Variants in CSMD2 observed in about 807,000 individuals in gnomAD.
CSMD2 encodes the protein CUB and sushi domain-containing protein 2.
Under a neutral mutation model 398.5 loss-of-function variants are expected in CSMD2, and 130 were observed. The observed-to-expected ratio is 0.33, with a 90% CI of 0.28 to 0.38. CSMD2 has a LOEUF of 0.38. CSMD2 is among the 10% of genes least tolerant of loss of function. The pLI, the probability that CSMD2 is intolerant of heterozygous loss-of-function variation, is 1.00. For missense variants in CSMD2, 3,829 were observed against 4,764.9 expected, an observed-to-expected ratio of 0.80 and a Z score of 5.78; for synonymous variants, 1,828 against 1,908.5, an observed-to-expected ratio of 0.96 and a Z score of 1.10.
At position 33,557,873 on chromosome 1, in the gene CSMD2, G is replaced by C. The variant is rs1330284542; in HGVS notation, c.8604C>G (p.Val2868=). Residue 2868 remains valine (V), a synonymous_variant, in exon 55 of 71, where the codon GTC becomes GTG. Transcript: ENST00000373381. ...PGHQENSVRQ[V]HASGPHRFSF... is the part of the protein sequence containing the mutation. ...TGAACCTGTGCGGGCCGCTGGCGTG[G>C]ACCTGACGAACACTATTTTCTTGGT... 1 of 1,536,022 alleles carries C rather than the reference G, an allele frequency of 6.5e-7. No individual in the cohort carries two copies. The highest frequency in any genetic ancestry group is 8.7e-7 in the Non-Finnish European group (1 of 1,146,924).
In CSMD2 at chr1:33,538,511, G is replaced by A. The variant is rs186666208; in HGVS notation, c.9632-902C>T. ...GTGTGTCTGTGTGTATGTGTATATG[G>A]AGTCATGAGATACATAACCACATGC... On this transcript the variant is annotated intron_variant, in intron 60 of 70. Coordinates refer to ENST00000373381, the MANE Select transcript of CSMD2 (RefSeq NM_001281956.2). 5.6e-3 allele frequency among the ~76,000 whole-genome samples: 853 copies of A among 152,274 alleles called. 8 individuals are homozygous for A. Among genetic ancestry groups the A allele is most frequent in the South Asian group, 0.031 (149 of 4,818 alleles).
At chr1:34,057,026 G>A (rs1009160266) in intron 2 of CSMD2, among the ~76,000 whole-genome samples, 5 of 152,158 alleles carry the variant, frequency 3.3e-5, no homozygotes, top group African/African-American at 1.2e-4. Flanking sequence ...GGTTGCTCCT[G>A]GGGTCATTAG....
intron 26 of CSMD2, 88 bp from the exon 27 acceptor site, chr1:33,658,225 A>G (rs752689207): frequency 1.7e-6 from 2 of 1,162,932 alleles, no homozygotes; most frequent in Non-Finnish European, 1.3e-6. Context: ...ACTGATTGCC[A>G]TCATCCGTGC....
At chr1:33,856,123 C>T (rs575670578) in intron 5 of CSMD2, among the ~76,000 whole-genome samples, 1 of 152,316 alleles carries the variant, frequency 6.6e-6, no homozygotes, top group Non-Finnish European at 1.5e-5. Context: ...GCCTGGCATA[C>T]AGTAGGTGCC....
chr1:33,999,879 A>T (rs953741972), intron 3 of CSMD2, among the ~76,000 whole-genome samples: 4 of 152,212 alleles, frequency 2.6e-5, no homozygotes, highest in African/African-American at 9.6e-5. Context: ...AATTTTAGTA[A>T]ATGTTACTAT....
rs1478687466 is a variant in CSMD2, at chr1:33,546,167, A to G, written c.8970T>C (p.Arg2990=). The part of the protein sequence containing the change: ...GDPGIPAHGI[R]LGDSFDPGTV... ...TGCCTGGATCAAAGCTGTCCCCCAA[A>G]CGGATGCCATGAGCCGGGATCCCAG... Residue 2990 remains arginine (R), a synonymous_variant, in exon 57 of 71, where the codon CGT becomes CGC. Coordinates refer to ENST00000373381, the MANE Select transcript of CSMD2 (RefSeq NM_001281956.2). The G allele has an allele frequency of 2.5e-6, 4 of 1,614,008 alleles. No individual in the cohort carries two copies. The Admixed American group carries it at 6.7e-5, about 27-fold the overall frequency.
intron 44 of CSMD2, chr1:33,600,321 T>C: frequency 1.7e-6 from 1 of 593,572 alleles, no homozygotes; most frequent in South Asian, 2.2e-5. Context: ...CTCTAGGCAA[T>C]TCCACTATAA....
intron 21 of CSMD2, chr1:33,709,593 T>G: frequency 2.5e-6 from 1 of 398,830 alleles, no homozygotes; most frequent in African/African-American, 2.0e-5. Flanking sequence ...ATTCATATAG[T>G]AGCGTAGCAA....
chr1:33,960,370 G>A (rs1333532251), intron 3 of CSMD2, among the ~76,000 whole-genome samples: 1 of 152,176 alleles, frequency 6.6e-6, no homozygotes, highest in Non-Finnish European at 1.5e-5. Flanking sequence ...CAAAATCCAC[G>A]GGAGGTAGAT....
intron 3 of CSMD2, among the ~76,000 whole-genome samples, chr1:34,015,280 A>C (rs1335419831): frequency 1.3e-5 from 2 of 152,202 alleles, no homozygotes; most frequent in African/African-American, 2.4e-5. Flanking sequence ...CTCTGCTGTT[A>C]TCTCATTATG....
intron 3 of CSMD2, among the ~76,000 whole-genome samples, chr1:33,988,276 A>G (rs1381465472): frequency 6.6e-6 from 1 of 152,122 alleles, no homozygotes; most frequent in Non-Finnish European, 1.5e-5. Flanking sequence ...CATGGAGGAG[A>G]CCCGAGTGAC....
intron 14 of CSMD2, among the ~76,000 whole-genome samples, chr1:33,742,423 G>A (rs953984529): frequency 6.6e-6 from 1 of 152,170 alleles, no homozygotes; most frequent in Non-Finnish European, 1.5e-5. Context: ...GCAGCCTCTG[G>A]GAAAGGATCT....
chr1:33,709,480 C>T (rs1038766458), intron 21 of CSMD2: 4 of 540,526 alleles, frequency 7.4e-6, no homozygotes, highest in Non-Finnish European at 9.7e-6. Context: ...TTGTTTCTGT[C>T]TCTTGTGCTG....
At chr1:33,625,424 C>G (rs1642054181) in intron 33 of CSMD2, among the ~76,000 whole-genome samples, 170 bp from the exon 34 acceptor site, 1 of 152,146 alleles carries the variant, frequency 6.6e-6, no homozygotes. Context: ...CCTGTTATAC[C>G]GAATTATAGT....
intron 38 of CSMD2, 60 bp downstream of exon 38, chr1:33,617,439 G>C: frequency 1.5e-6 from 2 of 1,322,348 alleles, no homozygotes; most frequent in South Asian, 2.4e-5. Flanking sequence ...CTGGTGTAAG[G>C]CTGGCCAACC....
chr1:33,962,299 T>C (rs1645390490), intron 3 of CSMD2, among the ~76,000 whole-genome samples: 1 of 152,092 alleles, frequency 6.6e-6, no homozygotes, highest in South Asian at 2.1e-4. Context: ...GAGTTCTATA[T>C]GTGGGCATGT....
At chr1:34,144,653 G>A (rs1470580821) in intron 1 of CSMD2, among the ~76,000 whole-genome samples, 1 of 152,228 alleles carries the variant, frequency 6.6e-6, no homozygotes, top group African/African-American at 2.4e-5. Context: ...GTAAGGTAAT[G>A]AAGCTGACAT....
chr1:33,639,606 G>C (rs1042616623), intron 29 of CSMD2, among the ~76,000 whole-genome samples: 5 of 152,194 alleles, frequency 3.3e-5, no homozygotes, highest in African/African-American at 7.2e-5. Flanking sequence ...CACAGAACTT[G>C]GCACCAAGGC....
chr1:33,738,075 A>C (rs1646939949), intron 15 of CSMD2, among the ~76,000 whole-genome samples: 1 of 152,046 alleles, frequency 6.6e-6, no homozygotes, highest in South Asian at 2.1e-4. Flanking sequence ...AGCCATTTGT[A>C]AGCTCTGGGT....
Sources: allele counts gnomAD v4.1 joint callset (sites outside exome capture counted in the v4.1 genomes callset), GRCh38; gene constraint gnomAD v4.1.1; transcripts MANE v1.5; gene names NCBI Gene and HGNC (gene_info 2026-07-23, HGNC 2026-07-21).